SLC27A6: variants seen among roughly 807,000 people sequenced by gnomAD.
SLC27A6 encodes long-chain fatty acid transport protein 6.
SLC27A6 carries 74 observed loss-of-function variants against 63.9 expected under a neutral mutation model. That is an observed-to-expected ratio of 1.16 (90% CI 0.96 to 1.40). The LOEUF is 1.40. Ranked by LOEUF, SLC27A6 falls within the 40% of genes most tolerant of loss-of-function variation. SLC27A6 has a pLI of 0.00. For synonymous variants in SLC27A6, 287 were observed against 260.8 expected, an observed-to-expected ratio of 1.10 and a Z score of -0.97; for missense variants, 794 against 732.9, an observed-to-expected ratio of 1.08 and a Z score of -0.96.
At position 128,985,259 on chromosome 5, in the gene SLC27A6, A is replaced by G. The variant is rs1329371643; in HGVS notation, c.608A>G (p.Glu203Gly). 1.9e-6 allele frequency: 3 copies of G among 1,614,106 alleles called. No homozygotes were observed. In the South Asian group the frequency reaches 3.3e-5, roughly 18 times the overall value. The change falls in exon 2 of 10, where the codon GAG becomes GGG. Residue 203 changes from glutamate (E) to glycine (G), a missense_variant. By Grantham distance (98) the Glu-to-Gly change is moderately conservative (BLOSUM62 -2). Transcript: ENST00000262462. The stretch of plus-strand genomic sequence containing the variant: ...GAAAAACTGAGCACCTCACCTGATG[A>G]GCCCGTGCCACGCAGCCACCATGTT... ...LKEKLSTSPD[E>G]PVPRSHHVVS... is the part of the protein sequence containing the mutation.
At chr5:128,994,098 G>A (rs1751073501) in intron 4 of SLC27A6, among the ~76,000 whole-genome samples, 1 of 152,050 alleles carries the variant, frequency 6.6e-6, no homozygotes, top group Non-Finnish European at 1.5e-5. Flanking sequence ...ACCCCGTGAG[G>A]TGGAGGTTGT....
chr5:128,971,546 A>G (rs1172193488), intron 1 of SLC27A6, among the ~76,000 whole-genome samples: 1 of 151,114 alleles, frequency 6.6e-6, no homozygotes, highest in African/African-American at 2.4e-5. Flanking sequence ...TTGTTGGTTT[A>G]AAGTCTTTTT....
intron 4 of SLC27A6, among the ~76,000 whole-genome samples, chr5:128,993,827 G>A (rs1164834527): frequency 6.6e-6 from 1 of 150,736 alleles, no homozygotes; most frequent in Non-Finnish European, 1.5e-5. Flanking sequence ...AATTTTTAGG[G>A]GTGGGCATGG....
Position 129,023,409 on chromosome 5 carries a change from T to C in SLC27A6, c.1165-211T>C, listed in dbSNP as rs547581862. Among the ~76,000 whole-genome samples the C allele has an allele frequency of 2.6e-5, 4 of 152,278 alleles. No individual in the cohort carries two copies. The South Asian group carries it at 8.3e-4, about 32-fold the overall frequency. ...CAAAAGAAATGAAAGTAAATGCCAGTAAATGACTGCTGTTTACTAATACCT... is the reference window on the plus strand; with the variant it reads ...CAAAAGAAATGAAAGTAAATGCCAGCAAATGACTGCTGTTTACTAATACCT... On this transcript the variant is annotated intron_variant, in intron 5 of 9. Transcript: ENST00000262462.
At chr5:129,016,377 C>T (rs1308239228) in intron 5 of SLC27A6, among the ~76,000 whole-genome samples, 1 of 118,480 alleles carries the variant, frequency 8.4e-6, no homozygotes, top group African/African-American at 3.3e-5. Flanking sequence ...GCCTGGGCGA[C>T]AGAGCGAGAC....
chr5:129,007,341 G>A lies in SLC27A6; in HGVS notation c.970-8544G>A, dbSNP rs190893408. 3.1e-3 allele frequency among the ~76,000 whole-genome samples: 464 copies of A among 151,682 alleles called. 3 individuals are homozygous for A. The highest frequency in any genetic ancestry group is 0.014 in the Middle Eastern group (4 of 294). On this transcript the variant is annotated intron_variant, in intron 4 of 9. Transcript: ENST00000262462. ...TACCTGTAATCTCAGCTACTTGGGAGGCTGGAGCAGATAATTGCTTAAACC... is the reference window on the plus strand; with the variant it reads ...TACCTGTAATCTCAGCTACTTGGGAAGCTGGAGCAGATAATTGCTTAAACC...
intron 4 of SLC27A6, among the ~76,000 whole-genome samples, chr5:128,996,695 A>G (rs577056773): frequency 2.3e-4 from 35 of 152,240 alleles, no homozygotes; most frequent in African/African-American, 8.2e-4. Context: ...TTAGAAAGGA[A>G]ACCTGCTTTC....
chr5:128,984,341 C>T (rs907937530), intron 1 of SLC27A6, among the ~76,000 whole-genome samples: 1 of 152,158 alleles, frequency 6.6e-6, no homozygotes, highest in Non-Finnish European at 1.5e-5. Flanking sequence ...TTCTGTCTCT[C>T]TTGTTTTCAC....
intron 1 of SLC27A6, among the ~76,000 whole-genome samples, chr5:128,974,625 A>C (rs1750314888): frequency 6.6e-6 from 1 of 152,220 alleles, no homozygotes; most frequent in Non-Finnish European, 1.5e-5. Context: ...CTGATGGTGT[A>C]CTATTAAATC....
chr5:128,978,780 A>G (rs1750477179), intron 1 of SLC27A6, among the ~76,000 whole-genome samples: 1 of 152,252 alleles, frequency 6.6e-6, no homozygotes. Flanking sequence ...ACTTAAAAAT[A>G]GAAGGCAAAA....
intron 4 of SLC27A6, among the ~76,000 whole-genome samples, chr5:128,994,008 A>C (rs1047144347): frequency 6.6e-6 from 1 of 151,994 alleles, no homozygotes; most frequent in African/African-American, 2.4e-5. Context: ...TCTGTACTAA[A>C]AATACAAAAA....
intron 5 of SLC27A6, among the ~76,000 whole-genome samples, chr5:129,021,191 G>T (rs1199599669): frequency 7.4e-5 from 11 of 148,364 alleles, no homozygotes; most frequent in Non-Finnish European, 7.4e-5. Context: ...GTTGCCCAAA[G>T]GTTTTAGACA....
chr5:128,978,892 A>G (rs1750483062), intron 1 of SLC27A6, among the ~76,000 whole-genome samples: 1 of 152,162 alleles, frequency 6.6e-6, no homozygotes, highest in African/African-American at 2.4e-5. Flanking sequence ...TAAATACACA[A>G]ACACATATTA....
At chr5:129,027,864 TATTC>T (rs1346769926) in intron 7 of SLC27A6, among the ~76,000 whole-genome samples, 2 of 152,044 alleles carry the variant, frequency 1.3e-5, no homozygotes, top group Admixed American at 6.6e-5. Flanking sequence ...TAAAACAAAA[TATTC>T]ATTCAAAAGC....
intron 4 of SLC27A6, among the ~76,000 whole-genome samples, chr5:128,993,086 T>C (rs1014012064): frequency 6.6e-6 from 1 of 152,264 alleles, no homozygotes; most frequent in African/African-American, 2.4e-5. Context: ...TGGATACTTT[T>C]GCGATTTATA....
At chr5:129,002,445 G>GTTCC (rs1561623074) in intron 4 of SLC27A6, among the ~76,000 whole-genome samples, 4 of 140,060 alleles carry the variant, frequency 2.9e-5, no homozygotes, top group African/African-American at 1.1e-4. Flanking sequence ...TCCCTCCATT[G>GTTCC]TTCCCTCTCT....
At chr5:128,983,041 A>G (rs1207308369) in intron 1 of SLC27A6, among the ~76,000 whole-genome samples, 1 of 152,172 alleles carries the variant, frequency 6.6e-6, no homozygotes, top group Non-Finnish European at 1.5e-5. Flanking sequence ...GTAAATCAAG[A>G]GTTTTCCCCC....
intron 1 of SLC27A6, among the ~76,000 whole-genome samples, chr5:128,981,480 CAA>C (rs548392802): frequency 1.8e-5 from 2 of 112,148 alleles, no homozygotes; most frequent in African/African-American, 3.2e-5. Flanking sequence ...GACTCCATCT[CAA>C]AAAAAAAAAA....
At chr5:128,996,845 C>G (rs3851464) in intron 4 of SLC27A6, among the ~76,000 whole-genome samples, 34,979 of 151,974 alleles carry the variant, frequency 0.23, 5,139 homozygotes, top group East Asian at 0.7. Context: ...TCTTGATCTT[C>G]GTATCTTGAA....
Sources: allele counts gnomAD v4.1 joint callset (sites outside exome capture counted in the v4.1 genomes callset), GRCh38; gene constraint gnomAD v4.1.1; transcripts MANE v1.5; gene names NCBI Gene and HGNC (gene_info 2026-07-23, HGNC 2026-07-21).